The following SHISA6 variants were observed in gnomAD, a reference collection of about 807,000 sequenced individuals.
SHISA6 encodes the protein shisa family member 6.
A neutral mutation model predicts 47.9 loss-of-function variants in SHISA6; 22 were observed. The ratio of observed to expected loss-of-function variants is 0.46; its 90% CI spans 0.33 to 0.66. SHISA6 has a LOEUF of 0.66. SHISA6 is among the 30% of genes least tolerant of loss of function. The pLI, the probability that SHISA6 is intolerant of heterozygous loss-of-function variation, is 0.02. For missense variants in SHISA6, 680 were observed against 764.6 expected (o/e 0.89, Z 1.30); for synonymous variants, 388 against 337.8 (o/e 1.15, Z -1.63).
intron 3 of SHISA6, among the ~76,000 whole-genome samples, chr17:11,466,815 A>G (rs1483820286): frequency 6.6e-6 from 1 of 152,170 alleles, no homozygotes; most frequent in African/African-American, 2.4e-5. Context: ...GACCGTTCTC[A>G]GCCCGTGTTT....
intron 2 of SHISA6, among the ~76,000 whole-genome samples, chr17:11,312,689 T>A (rs1910379129): frequency 6.6e-6 from 1 of 152,196 alleles, no homozygotes; most frequent in Admixed American, 6.5e-5. Context: ...GTCCTCCCAA[T>A]TTCTTTATTT....
At chr17:11,399,007 G>A (rs749548695) in intron 3 of SHISA6, among the ~76,000 whole-genome samples, 3 of 151,936 alleles carry the variant, frequency 2.0e-5, no homozygotes, top group African/African-American at 4.8e-5. Context: ...TGTAGCAGGA[G>A]TGGAAAGATC....
intron 3 of SHISA6, among the ~76,000 whole-genome samples, chr17:11,460,350 A>G (rs901907068): frequency 6.6e-6 from 1 of 152,164 alleles, no homozygotes; most frequent in African/African-American, 2.4e-5. Context: ...AAACAACGAT[A>G]CAAATATCTA....
intron 3 of SHISA6, among the ~76,000 whole-genome samples, chr17:11,452,161 G>A (rs912964531): frequency 3.9e-5 from 6 of 152,298 alleles, no homozygotes; most frequent in Admixed American, 3.3e-4. Flanking sequence ...TGGAGATAGG[G>A]CCAGCTTGCA....
intron 3 of SHISA6, among the ~76,000 whole-genome samples, chr17:11,520,870 A>T (rs2071623952): frequency 6.6e-6 from 1 of 152,178 alleles, no homozygotes; most frequent in Non-Finnish European, 1.5e-5. Flanking sequence ...ACTATGAGCA[A>T]TTCTTTCTGT....
At chr17:11,531,758 G>C (rs1407722302) in intron 3 of SHISA6, among the ~76,000 whole-genome samples, 1 of 152,162 alleles carries the variant, frequency 6.6e-6, no homozygotes. Flanking sequence ...ATAAGCTTTA[G>C]TGATCCACTG....
At chr17:11,347,508 G>A (rs2142217725) in intron 2 of SHISA6, among the ~76,000 whole-genome samples, 1 of 152,270 alleles carries the variant, frequency 6.6e-6, no homozygotes, top group South Asian at 2.1e-4. Context: ...TATTTCACAT[G>A]TATTATCTTA....
At chr17:11,513,858 T>C (rs1037221772) in intron 3 of SHISA6, among the ~76,000 whole-genome samples, 9 of 152,128 alleles carry the variant, frequency 5.9e-5, no homozygotes, top group African/African-American at 1.9e-4. Context: ...AGCCAACTTA[T>C]TTATTTGAGA....
chr17:11,475,048 T>G (rs1916021148), intron 3 of SHISA6, among the ~76,000 whole-genome samples: 1 of 152,180 alleles, frequency 6.6e-6, no homozygotes, highest in Admixed American at 6.5e-5. Flanking sequence ...AGATAAATCT[T>G]ACACACATTT....
rs9913066 is a variant in SHISA6, at chr17:11,273,734, C to T, written c.799+10208C>T. ...GACATGGAGTGATGGGCAGCCTGCCCGCAGGCGCAGGGCTTGTCGATGTCA... is the reference window on the plus strand; with the variant it reads ...GACATGGAGTGATGGGCAGCCTGCCTGCAGGCGCAGGGCTTGTCGATGTCA... On this transcript the variant is annotated intron_variant, in intron 2 of 5. Coordinates refer to ENST00000441885, the MANE Select transcript of SHISA6 (RefSeq NM_207386.4). 8.3e-3 allele frequency among the ~76,000 whole-genome samples: 1,263 copies of T among 152,264 alleles called. 20 individuals are homozygous for T. The highest frequency in any genetic ancestry group is 0.028 in the African/African-American group (1,179 of 41,552).
chr17:11,241,561 G>A lies in SHISA6; in HGVS notation c.139G>A (p.Ala47Thr), dbSNP rs1237861240. 16 of 1,088,250 alleles carry A rather than the reference G, an allele frequency of 1.5e-5. No homozygotes were observed. The highest frequency in any genetic ancestry group is 1.7e-5 in the African/African-American group (1 of 59,108). The allele number at this position is 1,088,250 out of a possible 1,614,324, so 67.4% of individuals were successfully genotyped here. A position where few individuals can be genotyped will look rare whatever the true frequency, so the allele number is the denominator to read the frequency against. The change falls in exon 1 of 6, where the codon GCC (alanine) becomes ACC (threonine). Residue 47 changes from alanine (A) to threonine (T), a missense_variant. Coordinates refer to ENST00000441885, the MANE Select transcript of SHISA6 (RefSeq NM_207386.4). This position sits in a 1 kb window ranked among gnomAD's most constrained non-coding sequence, Gnocchi z 5.5. Reference protein sequence around the residue: ...AGGAAVGGRRAGGALARGGRE... With the variant: ...AGGAAVGGRRTGGALARGGRE... ...CGGCGCTGCCGTCGGGGGCCGGAGG[G>A]CCGGGGGCGCCCTGGCACGGGGCGG...
chr17:11,329,870 A>G (rs192452180), intron 2 of SHISA6, among the ~76,000 whole-genome samples: 24 of 152,020 alleles, frequency 1.6e-4, no homozygotes, highest in Non-Finnish European at 2.4e-4. Context: ...CACCTGGATC[A>G]AGGTGCTCCA....
At chr17:11,300,669 C>CTTTTTTT (rs201580011) in intron 2 of SHISA6, among the ~76,000 whole-genome samples, 2 of 136,258 alleles carry the variant, frequency 1.5e-5, no homozygotes, top group Non-Finnish European at 1.6e-5. Flanking sequence ...TTTTCTTTTT[C>CTTTTTTT]TTTTTTTTTT....
At chr17:11,263,270 C>G (rs1018452301) in intron 1 of SHISA6, 96 bp from the exon 2 acceptor site, 19 of 1,278,916 alleles carry the variant, frequency 1.5e-5, no homozygotes, top group Non-Finnish European at 1.8e-5. Context: ...TCCTGCATCT[C>G]TGTAAATCAA....
intron 5 of SHISA6, 148 bp from the exon 6 acceptor site, chr17:11,557,606 G>C: frequency 1.3e-6 from 1 of 774,046 alleles, no homozygotes; most frequent in South Asian, 1.9e-5. Context: ...TCACCCGTCT[G>C]TCCTAATCCA....
intron 3 of SHISA6, among the ~76,000 whole-genome samples, chr17:11,524,974 G>T (rs1449914700): frequency 6.6e-6 from 1 of 152,164 alleles, no homozygotes; most frequent in Non-Finnish European, 1.5e-5. Flanking sequence ...GGGGGTAGAT[G>T]ATCCTTTCAT....
chr17:11,335,843 A>G (rs548457439), intron 2 of SHISA6, among the ~76,000 whole-genome samples: 1 of 152,158 alleles, frequency 6.6e-6, no homozygotes, highest in Non-Finnish European at 1.5e-5. Flanking sequence ...TGGTTGCAAT[A>G]AAGTTTATTT....
At chr17:11,517,070 G>GT (rs1222862912) in intron 3 of SHISA6, among the ~76,000 whole-genome samples, 4 of 152,310 alleles carry the variant, frequency 2.6e-5, no homozygotes, top group African/African-American at 7.2e-5. Flanking sequence ...TCATAATGGT[G>GT]TAAGTATCCA....
chr17:11,289,822 T>G (rs1202423068), intron 2 of SHISA6: 1 of 152,056 alleles, frequency 6.6e-6, no homozygotes, highest in Non-Finnish European at 1.5e-5. Context: ...GTGCTTGTGC[T>G]CTCTCTCTTA....
Sources: gnomAD v4.1 joint callset for allele counts (sites outside exome capture counted in the v4.1 genomes callset) on GRCh38, gnomAD v4.1.1 for gene constraint, Gnocchi (gnomAD v3.1) non-coding constraint, MANE v1.5 for transcripts, NCBI Gene and HGNC (gene_info 2026-07-23, HGNC 2026-07-21) for gene names.